TMEM184B: variants seen among roughly 807,000 people sequenced by gnomAD.
The protein encoded by TMEM184B is putative MAPK-activating protein FM08.
A neutral mutation model predicts 41.8 loss-of-function variants in TMEM184B; 17 were observed. That is an observed-to-expected ratio of 0.41 (90% CI 0.28 to 0.61). The LOEUF is 0.61. Among genes scored for constraint, TMEM184B ranks in the 20% least tolerant of loss-of-function variants. The pLI is 0.34. For missense variants in TMEM184B, 393 were observed against 557.8 expected, an observed-to-expected ratio of 0.70 and a Z score of 2.98; for synonymous variants, 240 against 229.5, an observed-to-expected ratio of 1.05 and a Z score of -0.41.
Position 38,226,563 on chromosome 22 carries a change from G to C in TMEM184B, c.617+216C>G, listed in dbSNP as rs1455997640. On this transcript the variant is annotated intron_variant, in intron 6 of 8. Coordinates refer to ENST00000361906, the MANE Select transcript of TMEM184B (RefSeq NM_012264.5). This position sits in a 1 kb window ranked among gnomAD's most constrained non-coding sequence, Gnocchi z 4.6. ...TGGTACCACTCTGCAGCCTGGACAT[G>C]AACGTGACTGCTGCCAATGGCTCAC... The C allele has an allele frequency of 1.9e-6, 1 of 515,304 alleles. No homozygotes were observed. The highest frequency in any genetic ancestry group is 3.6e-6 in the Non-Finnish European group (1 of 279,950). The allele number at this position is 515,304 out of a possible 1,614,324, so 31.9% of individuals were successfully genotyped here.
At chr22:38,259,929 C>G (rs541732787) in intron 1 of TMEM184B, among the ~76,000 whole-genome samples, 2 of 145,012 alleles carry the variant, frequency 1.4e-5, no homozygotes, top group African/African-American at 5.2e-5. Flanking sequence ...GCACGTGCCA[C>G]CACGCCTGGC....
At chr22:38,264,550 C>G (rs974533698) in intron 1 of TMEM184B, among the ~76,000 whole-genome samples, 11 of 152,210 alleles carry the variant, frequency 7.2e-5, no homozygotes, top group African/African-American at 2.7e-4. Flanking sequence ...CACTCCATGA[C>G]ATTCACTCAG....
chr22:38,221,802 C>T (rs914362795), intron 8 of TMEM184B, 92 bp from the exon 9 acceptor site: 1 of 1,516,024 alleles, frequency 6.6e-7, no homozygotes, highest in Non-Finnish European at 8.9e-7. Context: ...GGGACAGACA[C>T]CCCCCAACCC....
In TMEM184B at chr22:38,230,895, A is replaced by C. The variant is rs939120080; in HGVS notation, c.450-151T>G. On this transcript the variant is annotated intron_variant, in intron 4 of 8. Coordinates refer to ENST00000361906, the MANE Select transcript of TMEM184B (RefSeq NM_012264.5). Reference sequence around the variant, plus strand: ...TGAACCCGAGGCCAAGCACAGGGAGAGGCATGGCAGGGCATCCGCACATGC... The same window carrying C: ...TGAACCCGAGGCCAAGCACAGGGAGCGGCATGGCAGGGCATCCGCACATGC... 4 of 767,060 alleles carry C rather than the reference A, an allele frequency of 5.2e-6. No individual in the cohort carries two copies. In the African/African-American group the frequency reaches 6.9e-5, roughly 13 times the overall value. The allele number at this position is 767,060 out of a possible 1,614,324, so 47.5% of individuals were successfully genotyped here. A position where few individuals can be genotyped will look rare whatever the true frequency, so the allele number is the denominator to read the frequency against.
chr22:38,272,928 C>T lies in TMEM184B; in HGVS notation c.-103G>A. On this transcript the variant is annotated 5_prime_UTR_variant, in exon 1 of 9. Transcript: ENST00000361906. ...GGCGGCGTCTGCGGACGATGCGCGG[C>T]AGCCGGACTCTGCGGGCGGGGCGGG... 2 of 547,152 alleles carry T rather than the reference C, an allele frequency of 3.7e-6. No homozygotes were observed. The highest frequency in any genetic ancestry group is 4.7e-6 in the Non-Finnish European group (2 of 429,816). The allele number at this position is 547,152 out of a possible 1,614,324, so 33.9% of individuals were successfully genotyped here.
chr22:38,268,757 C>T (rs2092479421), intron 1 of TMEM184B, among the ~76,000 whole-genome samples: 2 of 152,264 alleles, frequency 1.3e-5, no homozygotes, highest in Non-Finnish European at 2.9e-5. Flanking sequence ...CCCGCCCAGG[C>T]GACAATGGCC....
At chr22:38,236,008 G>A (rs899584189) in intron 3 of TMEM184B, among the ~76,000 whole-genome samples, 12 of 152,160 alleles carry the variant, frequency 7.9e-5, no homozygotes, top group African/African-American at 2.7e-4. Flanking sequence ...CAGGCTCTGT[G>A]CTAAGCCCTC....
intron 8 of TMEM184B, chr22:38,223,982 C>CATTTTCCAGTACAT (rs2091343999): frequency 6.6e-6 from 1 of 152,276 alleles, no homozygotes; most frequent in African/African-American, 2.4e-5. Flanking sequence ...CTTCCAAAAG[C>CATTTTCCAGTACAT]TCTCCAGGGC....
In TMEM184B at chr22:38,239,624, C is replaced by T. The variant is rs1726857009; in HGVS notation, c.358+6311G>A. ...GGTTAAAAGTCTCCACGTGGAGCCACTGCATTACAAGTTTCAACAGAGGCT... is the reference window on the plus strand; with the variant it reads ...GGTTAAAAGTCTCCACGTGGAGCCATTGCATTACAAGTTTCAACAGAGGCT... On this transcript the variant is annotated intron_variant, in intron 3 of 8. Coordinates refer to ENST00000361906, the MANE Select transcript of TMEM184B (RefSeq NM_012264.5). The surrounding 1 kb of genome is among the most constrained non-coding windows in gnomAD (Gnocchi z 4.6). The T allele has an allele frequency of 6.6e-6, 1 of 152,192 alleles. No individual in the cohort carries two copies. The highest frequency in any genetic ancestry group is 1.5e-5 in the Non-Finnish European group (1 of 68,048). 9.4% of individuals were successfully genotyped at this position (152,192 alleles called of 1,614,324 possible). A position where few individuals can be genotyped will look rare whatever the true frequency, so the allele number is the denominator to read the frequency against.
At chr22:38,223,872 C>T (rs889487581) in intron 8 of TMEM184B, 3 of 152,492 alleles carry the variant, frequency 2.0e-5, no homozygotes, top group Non-Finnish European at 4.4e-5. Flanking sequence ...TTTCACATCA[C>T]CCTGGGAGTG....
chr22:38,244,276 G>A (rs2091977112), intron 3 of TMEM184B, among the ~76,000 whole-genome samples: 2 of 152,076 alleles, frequency 1.3e-5, no homozygotes, highest in African/African-American at 4.8e-5. Context: ...TCCACAGAGT[G>A]CAGGCCTGGG....
intron 3 of TMEM184B, among the ~76,000 whole-genome samples, chr22:38,242,278 G>A (rs945045162): frequency 2.6e-5 from 4 of 151,210 alleles, no homozygotes; most frequent in South Asian, 2.1e-4. Flanking sequence ...GACCAGCCTA[G>A]GCAACACGGT....
At chr22:38,261,026 A>C (rs1180555479) in intron 1 of TMEM184B, among the ~76,000 whole-genome samples, 2 of 152,144 alleles carry the variant, frequency 1.3e-5, no homozygotes, top group Non-Finnish European at 2.9e-5. Flanking sequence ...CCATCTTACC[A>C]TAACTCGCTG....
At position 38,239,808 on chromosome 22, in the gene TMEM184B, G is replaced by A. The variant is rs1279588953; in HGVS notation, c.358+6127C>T. On this transcript the variant is annotated intron_variant, in intron 3 of 8. Transcript: ENST00000361906. This position sits in a 1 kb window ranked among gnomAD's most constrained non-coding sequence, Gnocchi z 4.6. ...CAGCCTGTGCAGTGTTTTGAGGCAG[G>A]AGATGAAAAATTATTCTCTACAGAA... Among the ~76,000 whole-genome samples the A allele has an allele frequency of 6.6e-6, 1 of 152,144 alleles. No individual in the cohort carries two copies. Among genetic ancestry groups the A allele is most frequent in the Non-Finnish European group, 1.5e-5 (1 of 68,030 alleles).
chr22:38,260,045 G>T (rs927863135), intron 1 of TMEM184B, among the ~76,000 whole-genome samples: 4 of 151,588 alleles, frequency 2.6e-5, no homozygotes, highest in African/African-American at 9.7e-5. Context: ...CCAGTAACTG[G>T]GACTACAGGC....
chr22:38,246,101 C>A lies in TMEM184B; in HGVS notation c.193-1G>T. The A allele has an allele frequency of 6.2e-7, 1 of 1,609,038 alleles. No individual in the cohort carries two copies. ...TGTAGCAGCGCAGGTGCATGTAGAT[C>A]TGGGGGCAGAGGTGTGGGGTCAGCT... On this transcript the variant is annotated splice_acceptor_variant, in intron 2 of 8. Transcript: ENST00000361906. LOFTEE classifies it high-confidence loss of function.
intron 2 of TMEM184B, among the ~76,000 whole-genome samples, chr22:38,247,473 G>A (rs981157589): frequency 4.6e-5 from 7 of 152,226 alleles, no homozygotes; most frequent in Non-Finnish European, 1.0e-4. Context: ...CTTGGCGCAC[G>A]CCTGTAGTCA....
In TMEM184B at chr22:38,272,974, C is replaced by A; in HGVS notation, c.-149G>T. The stretch of plus-strand genomic sequence containing the variant: ...GCGGGCGGCGCCGCAGCCCCGGAGT[C>A]TCCGCCGCCGCCGGCGCGTCCCGGG... On this transcript the variant is annotated 5_prime_UTR_variant, in exon 1 of 9. Coordinates refer to ENST00000361906, the MANE Select transcript of TMEM184B (RefSeq NM_012264.5). 3.9e-6 allele frequency: 1 copy of A among 253,346 alleles called. No homozygotes were observed. The highest frequency in any genetic ancestry group is 6.2e-6 in the Non-Finnish European group (1 of 161,458). 15.7% of individuals were successfully genotyped at this position (253,346 alleles called of 1,614,324 possible).
In TMEM184B at chr22:38,225,719, T is replaced by A; in HGVS notation, c.618-126A>T. On this transcript the variant is annotated intron_variant, in intron 6 of 8. Transcript: ENST00000361906. This position sits in a 1 kb window ranked among gnomAD's most constrained non-coding sequence, Gnocchi z 4.4. Reference sequence around the variant, plus strand: ...CCTCCAGCAGAGCTCAACGAGCCACTGAAGGGGTCAGAATGGGTGATCAAA... The same window carrying A: ...CCTCCAGCAGAGCTCAACGAGCCACAGAAGGGGTCAGAATGGGTGATCAAA... The A allele has an allele frequency of 9.0e-7, 1 of 1,105,272 alleles. No homozygotes were observed. The highest frequency in any genetic ancestry group is 1.2e-6 in the Non-Finnish European group (1 of 813,130). 68.5% of individuals were successfully genotyped at this position (1,105,272 alleles called of 1,614,324 possible). A position where few individuals can be genotyped will look rare whatever the true frequency, so the allele number is the denominator to read the frequency against.
Sources: gnomAD v4.1 joint callset for allele counts (sites outside exome capture counted in the v4.1 genomes callset) on GRCh38, gnomAD v4.1.1 for gene constraint, Gnocchi (gnomAD v3.1) non-coding constraint, MANE v1.5 for transcripts, NCBI Gene and HGNC (gene_info 2026-07-23, HGNC 2026-07-21) for gene names.